GJC1: variants seen among roughly 807,000 people sequenced by gnomAD.
GJC1 encodes gap junction protein gamma 1, also known as gap junction gamma-1 protein.
Under a neutral mutation model 29.3 loss-of-function variants are expected in GJC1, and 5 were observed. The ratio of observed to expected loss-of-function variants is 0.17; its 90% confidence interval spans 0.09 to 0.36. The LOEUF is 0.36. Among genes scored for constraint, GJC1 ranks in the 10% least tolerant of loss-of-function variants. GJC1 has a pLI of 1.00. For synonymous variants in GJC1, 177 were observed against 183.3 expected, an observed-to-expected ratio of 0.97 and a Z score of 0.28; for missense variants, 310 against 496.2, an observed-to-expected ratio of 0.62 and a Z score of 3.56.
chr17:44,818,424 A>C (rs2050067919), intron 1 of GJC1, among the ~76,000 whole-genome samples: 1 of 152,036 alleles, frequency 6.6e-6, no homozygotes, highest in African/African-American at 2.4e-5. Context: ...TTGGGCATTG[A>C]GAATAGGGAG....
chr17:44,800,311 T>C lies in GJC1; in HGVS notation c.*4316A>G, dbSNP rs2049828382. On this transcript the variant is annotated 3_prime_UTR_variant, in exon 3 of 3. Transcript: ENST00000592524. ...TTTTAGTAGAGACGGGGTTTCACCA[T>C]GTTGGCCAGGCTGGTCTCAAACTCC... 6.6e-6 allele frequency: 1 copy of C among 152,180 alleles called. No individual in the cohort carries two copies. Among genetic ancestry groups the C allele is most frequent in the Admixed American group, 6.5e-5 (1 of 15,272 alleles). The allele number at this position is 152,180 out of a possible 1,614,324, so 9.4% of individuals were successfully genotyped here.
chr17:44,795,528 C>T (rs931113606), downstream of GJC1, among the ~76,000 whole-genome samples: 2 of 152,346 alleles, frequency 1.3e-5, no homozygotes, highest in African/African-American at 2.4e-5. Context: ...CCACCCCTCC[C>T]GGCCACTAAA....
downstream of GJC1, among the ~76,000 whole-genome samples, chr17:44,795,340 T>TCTCTTGCCTCAGC (rs2049776937): frequency 6.6e-6 from 1 of 150,844 alleles, no homozygotes; most frequent in Admixed American, 6.6e-5. Context: ...TTCAAACAAT[T>TCTCTTGCCTCAGC]CTCTTGCCTC....
rs759372890 is a variant in GJC1 at position 44,805,143 on chromosome 17, G to A, written c.675C>T (p.Pro225=). ...TCAGAAGGAAGATGGTCTTTTCAGT[G>A]GGTCTAGAAATAAAGCAGTCTATCT... The part of the protein sequence containing the change: ...PHKIDCFISR[P]TEKTIFLLIM... Residue 225 remains proline, a synonymous_variant, in exon 3 of 3, where the codon CCC becomes CCT. Transcript: ENST00000592524. The surrounding 1 kb of genome is among the most constrained non-coding windows in gnomAD (Gnocchi z 5.1). 6.2e-6 allele frequency: 10 copies of A among 1,614,100 alleles called. No individual in the cohort carries two copies. Among genetic ancestry groups the A allele is most frequent in the Admixed American group, 1.7e-5 (1 of 60,008 alleles).
rs935899416 is a variant in GJC1, at chr17:44,800,380, T to A, written c.*4247A>T. 2.0e-5 allele frequency: 3 copies of A among 152,208 alleles called. No homozygotes were observed. Among genetic ancestry groups the A allele is most frequent in the African/African-American group, 7.2e-5 (3 of 41,452 alleles). 9.4% of individuals were successfully genotyped at this position (152,208 alleles called of 1,614,324 possible). ...ACCTTGGCCTCCCAAAGTGCTGGGA[T>A]TACAGGCGTGAGCCACCATGCCTGG... On this transcript the variant is annotated 3_prime_UTR_variant, in exon 3 of 3. Transcript: ENST00000592524.
rs2145277389 is a variant in GJC1 at position 44,798,469 on chromosome 17, G to A, written c.*6158C>T. ...CAAATGAATCTTCAAAACTGTATTT[G>A]GAATTGACAAAATCTTCCTAGAGAC... On this transcript the variant is annotated 3_prime_UTR_variant, in exon 3 of 3. Coordinates refer to ENST00000592524, the MANE Select transcript of GJC1 (RefSeq NM_005497.4). The A allele has an allele frequency of 6.6e-6, 1 of 152,256 alleles. No homozygotes were observed. The highest frequency in any genetic ancestry group is 1.9e-4 in the East Asian group (1 of 5,182). The allele number at this position is 152,256 out of a possible 1,614,324, so 9.4% of individuals were successfully genotyped here.
intron 1 of GJC1, among the ~76,000 whole-genome samples, chr17:44,825,603 T>C (rs544594146): frequency 1.6e-4 from 24 of 151,746 alleles, no homozygotes; most frequent in African/African-American, 5.6e-4. Context: ...GGTGAAACCC[T>C]TTCTCTACTA....
intron 1 of GJC1, among the ~76,000 whole-genome samples, chr17:44,814,703 G>C (rs996538876): frequency 2.6e-5 from 4 of 152,104 alleles, no homozygotes; most frequent in African/African-American, 7.2e-5. Context: ...AGCACTTTGG[G>C]AGGCCAAGGC....
At position 44,824,857 on chromosome 17, in the gene GJC1, G is replaced by A. The variant is rs1273036327; in HGVS notation, c.-97+5205C>T. On this transcript the variant is annotated intron_variant, in intron 1 of 2. Coordinates refer to ENST00000592524, the MANE Select transcript of GJC1 (RefSeq NM_005497.4). ...TCAAGTGCAATAGTGAGAAGGGGGG[G>A]AAAGAAAGAGTCCAACTATTTTTTT... 4.2e-5 allele frequency among the ~76,000 whole-genome samples: 5 copies of A among 118,994 alleles called. 1 individual carries two copies. The highest frequency in any genetic ancestry group is 6.3e-4 in the South Asian group (2 of 3,154). 78.1% of individuals were successfully genotyped at this position (118,994 alleles called of 152,430 possible). A position where few individuals can be genotyped will look rare whatever the true frequency, so the allele number is the denominator to read the frequency against.
At chr17:44,811,388 CTTTTT>C (rs573359174) in intron 1 of GJC1, among the ~76,000 whole-genome samples, 2 of 128,064 alleles carry the variant, frequency 1.6e-5, no homozygotes, top group Non-Finnish European at 3.4e-5. Flanking sequence ...GGCCTTTTTT[CTTTTT>C]TTTTTTTTTT....
intron 2 of GJC1, among the ~76,000 whole-genome samples, chr17:44,806,652 G>A (rs2049917748): frequency 6.6e-6 from 1 of 152,062 alleles, no homozygotes; most frequent in African/African-American, 2.4e-5. Flanking sequence ...GCCTCTCAAA[G>A]TGCTGGGATT....
At position 44,799,984 on chromosome 17, in the gene GJC1, T is replaced by C. The variant is rs1330623203; in HGVS notation, c.*4643A>G. On this transcript the variant is annotated 3_prime_UTR_variant, in exon 3 of 3. Coordinates refer to ENST00000592524, the MANE Select transcript of GJC1 (RefSeq NM_005497.4). ...ATACAAATCTTTAAACACTTCATGA[T>C]GTGGCCGGAATGAGTACAAGTATGC... is the stretch of plus-strand genomic sequence containing the variant. The C allele has an allele frequency of 6.6e-6, 1 of 152,250 alleles. No individual in the cohort carries two copies. Among genetic ancestry groups the C allele is most frequent in the Admixed American group, 6.5e-5 (1 of 15,286 alleles). The allele number at this position is 152,250 out of a possible 1,614,324, so 9.4% of individuals were successfully genotyped here.
intron 1 of GJC1, among the ~76,000 whole-genome samples, chr17:44,827,112 C>A (rs1033125914): frequency 6.6e-6 from 1 of 152,086 alleles, no homozygotes; most frequent in Non-Finnish European, 1.5e-5. Flanking sequence ...GAGTTGGAGA[C>A]CAGCCTGACC....
intron 1 of GJC1, among the ~76,000 whole-genome samples, chr17:44,808,307 A>G (rs1299701327): frequency 6.6e-6 from 1 of 152,072 alleles, no homozygotes; most frequent in East Asian, 1.9e-4. Context: ...AAAGATTTGC[A>G]CATAAGCCTG....
At position 44,800,921 on chromosome 17, in the gene GJC1, G is replaced by A. The variant is rs538074843; in HGVS notation, c.*3706C>T. The stretch of plus-strand genomic sequence containing the variant: ...GAAAATGCTATCTAATTTTCCCCTC[G>A]TTTGAATTAACCAAAAAAAAAAAAA... On this transcript the variant is annotated 3_prime_UTR_variant, in exon 3 of 3. Transcript: ENST00000592524. 2.7e-4 allele frequency: 37 copies of A among 138,206 alleles called. No individual in the cohort carries two copies. The highest frequency in any genetic ancestry group is 8.2e-4 in the African/African-American group (30 of 36,802). 8.6% of individuals were successfully genotyped at this position (138,206 alleles called of 1,614,324 possible). A position where few individuals can be genotyped will look rare whatever the true frequency, so the allele number is the denominator to read the frequency against.
downstream of GJC1, among the ~76,000 whole-genome samples, chr17:44,796,635 G>A (rs1338516433): frequency 1.3e-5 from 2 of 152,138 alleles, no homozygotes; most frequent in Admixed American, 6.6e-5. Flanking sequence ...TAATTTGGGG[G>A]TAATGCAACT....
chr17:44,809,414 T>C (rs1015354159), intron 1 of GJC1, among the ~76,000 whole-genome samples: 9 of 152,162 alleles, frequency 5.9e-5, no homozygotes, highest in Admixed American at 4.6e-4. Context: ...GTTTCCAACA[T>C]AGAACTCCAT....
rs1308917201 is a variant in GJC1, at chr17:44,801,784, T to C, written c.*2843A>G. ...CACTCCTGGCTAATTTCTGTATTTT[T>C]AGTAGAGATGGAGTTTCACCATGTT... is the stretch of plus-strand genomic sequence containing the variant. On this transcript the variant is annotated 3_prime_UTR_variant, in exon 3 of 3. Transcript: ENST00000592524. The C allele has an allele frequency of 2.0e-5, 3 of 152,118 alleles. No individual in the cohort carries two copies. The highest frequency in any genetic ancestry group is 2.9e-5 in the Non-Finnish European group (2 of 68,040). 9.4% of individuals were successfully genotyped at this position (152,118 alleles called of 1,614,324 possible).
rs550803912 is a variant in GJC1 at position 44,805,976 on chromosome 17, G to C, written c.-20-139C>G. On this transcript the variant is annotated intron_variant, in intron 2 of 2. Transcript: ENST00000592524. The surrounding 1 kb of genome is among the most constrained non-coding windows in gnomAD (Gnocchi z 5.1). ...AAGGTTCACAGTGGAACAAATGTTA[G>C]AATAAACAGCATCTCAGTTGGGTAG... The C allele has an allele frequency of 1.4e-5, 8 of 585,756 alleles. No individual in the cohort carries two copies. In the East Asian group the frequency reaches 2.0e-4, roughly 15 times the overall value. The allele number at this position is 585,756 out of a possible 1,614,324, so 36.3% of individuals were successfully genotyped here.
Sources: gnomAD v4.1 joint callset for allele counts (sites outside exome capture counted in the v4.1 genomes callset) on GRCh38, gnomAD v4.1.1 for gene constraint, Gnocchi (gnomAD v3.1) non-coding constraint, MANE v1.5 for transcripts, NCBI Gene and HGNC (gene_info 2026-07-23, HGNC 2026-07-21) for gene names.